MYH7B: variants seen among roughly 807,000 people sequenced by gnomAD.
MYH7B encodes myosin-7B.
A neutral mutation model predicts 234.5 loss-of-function variants in MYH7B; 205 were observed. That is an observed-to-expected ratio of 0.87 (90% CI 0.78 to 0.98). MYH7B has a LOEUF of 0.98. MYH7B is among the 50% of genes least tolerant of loss of function. The pLI, the probability that MYH7B is intolerant of heterozygous loss-of-function variation, is 0.00. For synonymous variants in MYH7B, 1,193 were observed against 1,105.0 expected, an observed-to-expected ratio of 1.08 and a Z score of -1.58; for missense variants, 2,652 against 2,633.4, an observed-to-expected ratio of 1.01 and a Z score of -0.15.
At chr20:34,964,838 C>A (rs1024281062) in intron 2 of MYH7B, among the ~76,000 whole-genome samples, 23 of 152,124 alleles carry the variant, frequency 1.5e-4, no homozygotes, top group Non-Finnish European at 2.8e-4. Context: ...TTAGGAATGA[C>A]CCTTTTTCTG....
rs1041056543 is a variant in MYH7B at position 35,000,982 on chromosome 20, C to G, written c.5305-6C>G. On this transcript the variant is annotated splice_region_variant and splice_polypyrimidine_tract_variant and intron_variant, in intron 40 of 44. Coordinates refer to ENST00000262873, the Ensembl canonical transcript of MYH7B. ...GGGCACCTGACCAGCTCCTCCTCCC[C>G]AACAGGCGGCCATGATGGCCGAGGA... 1 of 1,613,764 alleles carries G rather than the reference C, an allele frequency of 6.2e-7. No individual in the cohort carries two copies. Among genetic ancestry groups the G allele is most frequent in the Non-Finnish European group, 8.5e-7 (1 of 1,179,938 alleles).
chr20:34,982,598 T>C lies in MYH7B; in HGVS notation c.624+43T>C. On this transcript the variant is annotated intron_variant, in intron 10 of 44. Transcript: ENST00000262873. ...GGGCATGCTCCCCGTTGCTTCTCGC[T>C]GTTTTTCTTTTCTTTCTTCCTCTCT... The C allele has an allele frequency of 2.1e-6, 3 of 1,445,818 alleles. No homozygotes were observed. In the South Asian group the frequency reaches 4.0e-5, roughly 19 times the overall value. The allele number at this position is 1,445,818 out of a possible 1,614,324, so 89.6% of individuals were successfully genotyped here.
chr20:34,986,772 G>A, intron 14 of MYH7B, 114 bp from the exon 15 acceptor site: 7 of 774,882 alleles, frequency 9.0e-6, no homozygotes, highest in Middle Eastern at 2.3e-4. Flanking sequence ...CCTCTGGGAG[G>A]GCCCTAGACT....
exon 32 of MYH7B, chr20:34,997,484 G>A (rs765979307): frequency 1.2e-5 from 18 of 1,546,558 alleles, no homozygotes; most frequent in Middle Eastern, 3.5e-4. Context: ...CCACAGTGGC[G>A]GCACTGCGGC....
exon 28 of MYH7B, chr20:34,995,516 A>T: frequency 6.2e-7 from 1 of 1,614,190 alleles, no homozygotes; most frequent in South Asian, 1.1e-5. Flanking sequence ...CAAGAAGGAC[A>T]TTGATGACCT....
chr20:34,998,915 A>C (rs1009153675), exon 35 of MYH7B: 9 of 1,611,098 alleles, frequency 5.6e-6, no homozygotes, highest in African/African-American at 4.0e-5. Context: ...GAGGAGGCCA[A>C]GTGAGTGCTT....
At chr20:34,993,751 G>GATACTTTC (rs1346081902) in intron 26 of MYH7B, among the ~76,000 whole-genome samples, 1 of 152,248 alleles carries the variant, frequency 6.6e-6, no homozygotes, top group Non-Finnish European at 1.5e-5. Flanking sequence ...CCCCAGGCAA[G>GATACTTTC]ATACTTTCTC....
At chr20:34,998,958 T>C in intron 35 of MYH7B, 43 bp downstream of exon 35, 1 of 1,593,610 alleles carries the variant, frequency 6.3e-7, no homozygotes, top group African/African-American at 1.3e-5. Flanking sequence ...CAGAGCTTTA[T>C]GCCTGTGCCT....
In MYH7B at chr20:34,996,459, C is replaced by T. The variant is rs757871318; in HGVS notation, c.3057C>T (p.Ala1019=). The T allele has an allele frequency of 2.4e-5, 39 of 1,612,936 alleles. No individual in the cohort carries two copies. Among genetic ancestry groups the T allele is most frequent in the South Asian group, 4.4e-5 (4 of 91,042 alleles). Residue 1019 remains alanine, a synonymous_variant, in exon 29 of 45, where the codon GCC becomes GCT. Coordinates refer to ENST00000262873, the Ensembl canonical transcript of MYH7B. ...AACAGGCCCTGGGTGACCTGCAGGC[C>T]GAGGAGGACCGTGTGAGCGCGCTGA... is the stretch of plus-strand genomic sequence containing the variant.
At chr20:34,980,266 G>T in intron 7 of MYH7B, 1 of 346,710 alleles carries the variant, frequency 2.9e-6, no homozygotes, top group South Asian at 4.2e-5. Context: ...CTACCTATGG[G>T]GGGAGAATGT....
chr20:34,957,811 C>T (rs1226602593), intron 1 of MYH7B, among the ~76,000 whole-genome samples: 1 of 152,136 alleles, frequency 6.6e-6, no homozygotes, highest in Non-Finnish European at 1.5e-5. Flanking sequence ...TTTAAATAAA[C>T]CATGTACATT....
intron 2 of MYH7B, among the ~76,000 whole-genome samples, chr20:34,967,919 T>C (rs943855315): frequency 6.6e-6 from 1 of 152,136 alleles, no homozygotes; most frequent in Non-Finnish European, 1.5e-5. Context: ...CACTAAGACC[T>C]CTCTTCCAGA....
chr20:34,999,535 C>G, intron 36 of MYH7B, 36 bp from the exon 37 acceptor site: 1 of 1,565,196 alleles, frequency 6.4e-7, no homozygotes, highest in Non-Finnish European at 8.7e-7. Flanking sequence ...GAGTACAAGC[C>G]ATGGGGGTGG....
intron 3 of MYH7B, among the ~76,000 whole-genome samples, chr20:34,976,630 T>C (rs1245886267): frequency 6.6e-6 from 1 of 152,188 alleles, no homozygotes; most frequent in Non-Finnish European, 1.5e-5. Context: ...CTGAAGGGGC[T>C]CCTAACTGGG....
At position 34,955,959 on chromosome 20, in the gene MYH7B, A is replaced by G. The variant is rs577011463; in HGVS notation, c.-385A>G. On this transcript the variant is annotated 5_prime_UTR_variant, in exon 1 of 45. Transcript: ENST00000262873. ...GCGTCGGCTGCACCCTGGCGGATGG[A>G]CCTTGGGAAGGAGGGGAGGGGACCA... is the stretch of plus-strand genomic sequence containing the variant. 9 of 152,472 alleles carry G rather than the reference A, an allele frequency of 5.9e-5. No individual in the cohort carries two copies. The South Asian group carries it at 1.7e-3, about 28-fold the overall frequency. The allele number at this position is 152,472 out of a possible 1,614,324, so 9.4% of individuals were successfully genotyped here. A position where few individuals can be genotyped will look rare whatever the true frequency, so the allele number is the denominator to read the frequency against.
chr20:34,980,182 G>T, intron 7 of MYH7B: 1 of 348,898 alleles, frequency 2.9e-6, no homozygotes, highest in Admixed American at 4.1e-5. Flanking sequence ...GCTCCTTGAG[G>T]AATATCGCAG....
intron 26 of MYH7B, 24 bp from the exon 27 acceptor site, chr20:34,994,122 C>T: frequency 1.2e-6 from 2 of 1,605,842 alleles, no homozygotes; most frequent in Non-Finnish European, 1.7e-6. Flanking sequence ...GAGCCACCTT[C>T]ACAGCTTGGC....
At position 34,991,977 on chromosome 20, in the gene MYH7B, C is replaced by A. The variant is rs549092835; in HGVS notation, c.2183+856C>A. On this transcript the variant is annotated intron_variant, in intron 24 of 44. Transcript: ENST00000262873. ...ACTGCATGCTTTGTTTAATGAGTCC[C>A]CCTCATGAGGGGCCTTCACAGCGTG... is the stretch of plus-strand genomic sequence containing the variant. 2.0e-5 allele frequency among the ~76,000 whole-genome samples: 3 copies of A among 152,282 alleles called. No individual in the cohort carries two copies. The East Asian group carries it at 5.8e-4, about 30-fold the overall frequency.
At position 34,986,206 on chromosome 20, in the gene MYH7B, G is replaced by A. The variant is rs2082018896; in HGVS notation, c.904+8G>A. 2.5e-6 allele frequency: 4 copies of A among 1,581,306 alleles called. No individual in the cohort carries two copies. Among genetic ancestry groups the A allele is most frequent in the Non-Finnish European group, 3.4e-6 (4 of 1,161,732 alleles). On this transcript the variant is annotated splice_region_variant and intron_variant, in intron 14 of 44. Transcript: ENST00000262873. ...GGAAGCCAGAGCTGCAGGGTGAGGG[G>A]CAGTACGATGAAGGGGGTGGGAGTC...
Sources: allele counts gnomAD v4.1 joint callset (sites outside exome capture counted in the v4.1 genomes callset), GRCh38; gene constraint gnomAD v4.1.1; transcripts MANE v1.5; gene names NCBI Gene and HGNC (gene_info 2026-07-23, HGNC 2026-07-21).